Variants in UPF1 observed in about 807,000 individuals in gnomAD.
UPF1 encodes the protein UPF1 RNA helicase and ATPase.
UPF1 carries 9 observed loss-of-function variants against 129.2 expected under a neutral mutation model. The observed-to-expected ratio is 0.07, with a 90% CI of 0.04 to 0.12. The LOEUF (loss-of-function observed/expected upper bound fraction) is 0.12, where lower values mean the gene tolerates loss of function less well. Among genes scored for constraint, UPF1 ranks in the 10% least tolerant of loss-of-function variants. UPF1 has a pLI of 1.00. For synonymous variants in UPF1, 649 were observed against 644.9 expected (o/e 1.01, Z -0.10); for missense variants, 788 against 1,525.3 (o/e 0.52, Z 8.05).
Position 18,866,945 on chromosome 19 carries a change from G to A in UPF1, c.*428G>A, listed in dbSNP as rs1159822916. 1 of 152,636 alleles carries A rather than the reference G, an allele frequency of 6.6e-6. No individual in the cohort carries two copies. Among genetic ancestry groups the A allele is most frequent in the Non-Finnish European group, 1.5e-5 (1 of 68,058 alleles). The allele number at this position is 152,636 out of a possible 1,614,324, so 9.5% of individuals were successfully genotyped here. ...GAGCAGGCTCCTTGCAAAGACAGCA[G>A]CGTGCGGGGCAGAGCCCCGGGAGGG... On this transcript the variant is annotated 3_prime_UTR_variant, in exon 24 of 24. Transcript: ENST00000262803.
At chr19:18,860,131 AG>A in intron 15 of UPF1, 189 bp from the exon 16 acceptor site, 1 of 572,876 alleles carries the variant, frequency 1.7e-6, no homozygotes, top group Non-Finnish European at 3.1e-6. Flanking sequence ...GCCTCTCCTC[AG>A]CCTTGCCCAA....
At position 18,855,476 on chromosome 19, in the gene UPF1, G is replaced by A. The variant is rs2055707138; in HGVS notation, c.1544+234G>A. 6.7e-6 allele frequency: 4 copies of A among 597,342 alleles called. No homozygotes were observed. The Admixed American group carries it at 1.2e-4, about 18-fold the overall frequency. 37.0% of individuals were successfully genotyped at this position (597,342 alleles called of 1,614,324 possible). A position where few individuals can be genotyped will look rare whatever the true frequency, so the allele number is the denominator to read the frequency against. On this transcript the variant is annotated intron_variant, in intron 11 of 23. Coordinates refer to ENST00000262803, the MANE Select transcript of UPF1 (RefSeq NM_002911.4). Reference sequence around the variant, plus strand: ...GTTTAGAAAACTGGGGGCAGGGGGGGCATGGCTGCAGCAGCGTGAGTTCCG... The same window carrying A: ...GTTTAGAAAACTGGGGGCAGGGGGGACATGGCTGCAGCAGCGTGAGTTCCG...
intron 8 of UPF1, among the ~76,000 whole-genome samples, chr19:18,854,006 G>C (rs548053825): frequency 6.6e-6 from 1 of 152,330 alleles, no homozygotes; most frequent in East Asian, 1.9e-4. Context: ...CCCACCCTGG[G>C]CCTGACAAGC....
intron 20 of UPF1, among the ~76,000 whole-genome samples, chr19:18,864,744 T>G (rs1351331540): frequency 1.4e-5 from 2 of 141,174 alleles, no homozygotes; most frequent in East Asian, 4.1e-4. Flanking sequence ...TTTTTTTTTT[T>G]TTTTTTTTTT....
chr19:18,864,146 C>T (rs757090021), intron 19 of UPF1, 24 bp from the exon 20 acceptor site: 3 of 1,609,734 alleles, frequency 1.9e-6, no homozygotes, highest in Admixed American at 1.7e-5. Flanking sequence ...ATGACAAATT[C>T]CTCACCTATC....
Position 18,857,464 on chromosome 19 carries a change from C to A in UPF1, c.2113C>A (p.His705Asn). The A allele has an allele frequency of 6.2e-7, 1 of 1,613,938 alleles. No homozygotes were observed. Among genetic ancestry groups the A allele is most frequent in the Non-Finnish European group, 8.5e-7 (1 of 1,180,026 alleles). ...PIRLQVQYRM[H>N]PALSAFPSNI... Reference sequence around the variant, plus strand: ...CCGCCTGCAGGTCCAGTACCGGATGCACCCTGCACTCAGCGCCTTCCCATC... The same window carrying A: ...CCGCCTGCAGGTCCAGTACCGGATGAACCCTGCACTCAGCGCCTTCCCATC... The change falls in exon 15 of 24, where the codon CAC (histidine) becomes AAC (asparagine). Residue 705 changes from histidine to asparagine, a missense_variant. Physicochemically the swap from His to Asn is moderately conservative, Grantham distance 68. Around this residue, in one of 6 missense-constraint regions of UPF1, gnomAD observed 140 missense variants for 385.9 expected, o/e 0.36. Coordinates refer to ENST00000262803, the MANE Select transcript of UPF1 (RefSeq NM_002911.4).
intron 1 of UPF1, among the ~76,000 whole-genome samples, chr19:18,843,749 GTGT>G (rs374613058): frequency 1.3e-5 from 2 of 148,466 alleles, no homozygotes; most frequent in Non-Finnish European, 3.0e-5. Flanking sequence ...GTGTGTGTGT[GTGT>G]TGTTGTTAAG....
intron 18 of UPF1, chr19:18,863,193 C>G (rs1382916527): frequency 1.1e-5 from 5 of 463,892 alleles, no homozygotes; most frequent in Non-Finnish European, 1.9e-5. Flanking sequence ...CAAACGTATC[C>G]ACCCAGCCAG....
At chr19:18,848,667 C>T (rs1047274128) in intron 3 of UPF1, among the ~76,000 whole-genome samples, 8 of 151,786 alleles carry the variant, frequency 5.3e-5, no homozygotes, top group African/African-American at 9.7e-5. Context: ...CTGTGGGTCT[C>T]GGAGGGTTAC....
intron 1 of UPF1, among the ~76,000 whole-genome samples, chr19:18,833,925 A>G (rs2055456155): frequency 1.3e-5 from 2 of 152,186 alleles, no homozygotes; most frequent in Non-Finnish European, 2.9e-5. Context: ...TTCTAACCCC[A>G]TATTCCTTAA....
chr19:18,855,742 G>T, intron 11 of UPF1, 183 bp from the exon 12 acceptor site: 1 of 826,538 alleles, frequency 1.2e-6, no homozygotes, highest in Non-Finnish European at 1.8e-6. Context: ...CAGCTACTCA[G>T]GAGGCTGAGG....
At chr19:18,864,375 C>A in intron 20 of UPF1, 124 bp downstream of exon 20, 1 of 805,556 alleles carries the variant, frequency 1.2e-6, no homozygotes, top group Non-Finnish European at 2.0e-6. Flanking sequence ...GCCTGGCTCC[C>A]TTGGCCTCCC....
intron 16 of UPF1, 46 bp from the exon 17 acceptor site, chr19:18,860,780 G>T: frequency 6.2e-7 from 1 of 1,605,276 alleles, no homozygotes; most frequent in Non-Finnish European, 8.5e-7. Flanking sequence ...CTCAGGGCTC[G>T]GGATCCCACA....
rs199967379 is a variant in UPF1 at position 18,866,172 on chromosome 19, C to T, written c.*3+6C>T. On this transcript the variant is annotated splice_donor_region_variant and intron_variant, in intron 23 of 23. Transcript: ENST00000262803. ...GGCTGTCCCAGTATTAAAAGGCAAG[C>T]CCCCCTGGAGCAGGCCTGGCCCCAC... The T allele has an allele frequency of 4.4e-6, 7 of 1,584,986 alleles. No homozygotes were observed. The East Asian group carries it at 6.9e-5, about 16-fold the overall frequency.
chr19:18,844,816 A>G (rs2055580726), intron 1 of UPF1, among the ~76,000 whole-genome samples: 1 of 152,206 alleles, frequency 6.6e-6, no homozygotes, highest in African/African-American at 2.4e-5. Flanking sequence ...ACCTCATTTC[A>G]TGATAGTTCC....
chr19:18,858,374 G>C (rs1388687785), intron 15 of UPF1, among the ~76,000 whole-genome samples: 1 of 152,096 alleles, frequency 6.6e-6, no homozygotes, highest in Admixed American at 6.6e-5. Flanking sequence ...TGAGGTCTGT[G>C]GGGGTGACAG....
intron 3 of UPF1, chr19:18,849,031 G>T (rs1168920130): frequency 6.6e-6 from 1 of 152,356 alleles, no homozygotes; most frequent in Non-Finnish European, 1.5e-5. Flanking sequence ...CCCAGGGGAA[G>T]GTGAGGAAGC....
intron 15 of UPF1, 64 bp downstream of exon 15, chr19:18,857,597 G>A: frequency 2.7e-6 from 4 of 1,483,822 alleles, no homozygotes; most frequent in Non-Finnish European, 3.6e-6. Context: ...AATGTGGACT[G>A]GGGAGAAGGA....
rs1320193817 is a variant in UPF1 at position 18,853,263 on chromosome 19, A to G, written c.1069A>G (p.Met357Val). Residue 357 changes from methionine (M) to valine (V), a missense_variant, in exon 8 of 24, where the codon ATG (methionine) becomes GTG (valine). Met to Val is a conservative substitution (Grantham distance 21). Transcript: ENST00000262803. The surrounding 1 kb of genome is among the most constrained non-coding windows in gnomAD (Gnocchi z 4.4). Reference protein sequence around the residue: ...LPKTDSDMRLMQGDEICLRYK... With the variant: ...LPKTDSDMRLVQGDEICLRYK... ...TTTTTTACCTCAAGACATGCGGCTC[A>G]TGCAGGGGGATGAGATATGCCTGCG... The G allele has an allele frequency of 1.2e-6, 2 of 1,612,432 alleles. No homozygotes were observed. Among genetic ancestry groups the G allele is most frequent in the Non-Finnish European group, 1.7e-6 (2 of 1,179,038 alleles).
Sources: allele counts gnomAD v4.1 joint callset (sites outside exome capture counted in the v4.1 genomes callset), GRCh38; gene constraint gnomAD v4.1.1; regional missense constraint gnomAD v4.1.1; non-coding constraint Gnocchi (gnomAD v3.1); transcripts MANE v1.5; gene names NCBI Gene and HGNC (gene_info 2026-07-23, HGNC 2026-07-21).